Variants in MYO7B observed in about 807,000 individuals in gnomAD.
MYO7B encodes unconventional myosin-VIIb.
MYO7B carries 212 observed loss-of-function variants against 259.7 expected under a neutral mutation model. The ratio of observed to expected loss-of-function variants is 0.82; its 90% CI spans 0.73 to 0.91. The LOEUF is 0.91. Among genes scored for constraint, MYO7B ranks in the 40% least tolerant of loss-of-function variants. The pLI, the probability that MYO7B is intolerant of heterozygous loss-of-function variation, is 0.00. For missense variants in MYO7B, 2,732 were observed against 2,813.5 expected, an observed-to-expected ratio of 0.97 and a Z score of 0.66; for synonymous variants, 1,197 against 1,166.4, an observed-to-expected ratio of 1.03 and a Z score of -0.54.
chr2:127,593,086 C>A, intron 17 of MYO7B, 140 bp downstream of exon 17: 2 of 1,104,036 alleles, frequency 1.8e-6, no homozygotes, highest in Non-Finnish European at 2.6e-6. Context: ...TCCTTCCTCC[C>A]TCTCTCCTCC....
intron 1 of MYO7B, among the ~76,000 whole-genome samples, chr2:127,553,908 T>C (rs928156440): frequency 9.9e-5 from 15 of 152,186 alleles, no homozygotes; most frequent in African/African-American, 3.6e-4. Flanking sequence ...CATAGATGGC[T>C]TTTATTGCAC....
chr2:127,579,653 T>A (rs1679023032), intron 9 of MYO7B, among the ~76,000 whole-genome samples: 1 of 152,188 alleles, frequency 6.6e-6, no homozygotes, highest in African/African-American at 2.4e-5. Flanking sequence ...TGGTGGGATC[T>A]CGACTCACTG....
In MYO7B at chr2:127,609,829, C is replaced by T; in HGVS notation, c.3025-20C>T. ...AGTCACTGATGGGTTCCCACTGGGC[C>T]TTCTGTCTTGTTTCCCCAGGCCGCC... On this transcript the variant is annotated intron_variant, in intron 23 of 47. Transcript: ENST00000409816. This position sits in a 1 kb window ranked among gnomAD's most constrained non-coding sequence, Gnocchi z 6.9. The T allele has an allele frequency of 1.2e-6, 2 of 1,613,448 alleles. No homozygotes were observed. The highest frequency in any genetic ancestry group is 1.7e-6 in the Non-Finnish European group (2 of 1,179,550).
chr2:127,580,723 A>G, intron 9 of MYO7B, 23 bp from the exon 10 acceptor site: 1 of 1,604,726 alleles, frequency 6.2e-7, no homozygotes. Context: ...TTTCCAACTC[A>G]GCATTCCTGC....
chr2:127,565,409 C>T, intron 4 of MYO7B, 24 bp downstream of exon 4: 1 of 1,611,570 alleles, frequency 6.2e-7, no homozygotes, highest in African/African-American at 1.3e-5. Flanking sequence ...GCCCTGTGTC[C>T]ACAGGGGAGC....
chr2:127,618,333 C>T (rs1015971542), intron 26 of MYO7B, among the ~76,000 whole-genome samples: 1 of 152,182 alleles, frequency 6.6e-6, no homozygotes, highest in African/African-American at 2.4e-5. Flanking sequence ...AAAAAGGGCT[C>T]CCTACTCCTA....
At chr2:127,567,500 A>T (rs898950747) in intron 5 of MYO7B, among the ~76,000 whole-genome samples, 1 of 152,088 alleles carries the variant, frequency 6.6e-6, no homozygotes, top group African/African-American at 2.4e-5. Flanking sequence ...GAGAACTTGG[A>T]GGGGAGGGTG....
chr2:127,605,076 ACAT>A (rs1367212445), intron 19 of MYO7B, among the ~76,000 whole-genome samples: 4 of 152,264 alleles, frequency 2.6e-5, no homozygotes, highest in Non-Finnish European at 4.4e-5. Context: ...GAGCAAAGTA[ACAT>A]CATAATAAAC....
In MYO7B at chr2:127,582,146, C is replaced by G. The variant is rs539745133; in HGVS notation, c.1200+136C>G. ...CTCTGCCAGTCACCTGCCTGGTGAC[C>G]ATGGACTCCTCAGCCTCTTGGGCCC... On this transcript the variant is annotated intron_variant, in intron 11 of 47. Transcript: ENST00000409816. 1.2e-5 allele frequency: 17 copies of G among 1,473,714 alleles called. No homozygotes were observed. In the East Asian group the frequency reaches 3.8e-4, roughly 33 times the overall value. 91.3% of individuals were successfully genotyped at this position (1,473,714 alleles called of 1,614,324 possible). A position where few individuals can be genotyped will look rare whatever the true frequency, so the allele number is the denominator to read the frequency against.
chr2:127,634,383 C>T, intron 41 of MYO7B, 94 bp downstream of exon 41: 1 of 1,052,666 alleles, frequency 9.5e-7, no homozygotes, highest in South Asian at 1.6e-5. Context: ...ACCAGGGGCA[C>T]CCATGCTGGA....
At chr2:127,557,819 C>T (rs1273206139) in intron 1 of MYO7B, among the ~76,000 whole-genome samples, 1 of 152,160 alleles carries the variant, frequency 6.6e-6, no homozygotes, top group Non-Finnish European at 1.5e-5. Context: ...GAATCCTCAT[C>T]TCTCACCTTA....
chr2:127,600,993 GT>G (rs1345674824), intron 19 of MYO7B, among the ~76,000 whole-genome samples: 4 of 152,122 alleles, frequency 2.6e-5, no homozygotes, highest in Non-Finnish European at 5.9e-5. Flanking sequence ...TTTCACAAAT[GT>G]TCACATGTTA....
chr2:127,583,792 A>C (rs1023002731), intron 12 of MYO7B, among the ~76,000 whole-genome samples: 4 of 152,176 alleles, frequency 2.6e-5, no homozygotes, highest in Admixed American at 6.5e-5. Flanking sequence ...TCAGACCACA[A>C]GAATTGTTTC....
At chr2:127,542,485 T>G (rs1386326514) in intron 1 of MYO7B, among the ~76,000 whole-genome samples, 2 of 152,182 alleles carry the variant, frequency 1.3e-5, no homozygotes, top group African/African-American at 4.8e-5. Context: ...CAGATGGTCA[T>G]CACTGTCTGG....
At chr2:127,632,709 C>T (rs1681588069) in intron 39 of MYO7B, among the ~76,000 whole-genome samples, 1 of 152,254 alleles carries the variant, frequency 6.6e-6, no homozygotes, top group Non-Finnish European at 1.5e-5. Flanking sequence ...GCCCTCAAGG[C>T]TGAGGTCAGA....
At chr2:127,633,441 T>A in intron 40 of MYO7B, 78 bp downstream of exon 40, 1 of 1,408,526 alleles carries the variant, frequency 7.1e-7, no homozygotes, top group Non-Finnish European at 9.9e-7. Flanking sequence ...TGGCCCAGCC[T>A]GCTCCTTGGT....
At position 127,634,535 on chromosome 2, in the gene MYO7B, G is replaced by A. The variant is rs1024933040; in HGVS notation, c.5626-61G>A. 2.1e-6 allele frequency: 3 copies of A among 1,461,274 alleles called. No homozygotes were observed. The Admixed American group carries it at 5.7e-5, about 28-fold the overall frequency. The allele number at this position is 1,461,274 out of a possible 1,614,324, so 90.5% of individuals were successfully genotyped here. On this transcript the variant is annotated intron_variant, in intron 41 of 47. Transcript: ENST00000409816. The stretch of plus-strand genomic sequence containing the variant: ...GCGGCCACTGGACCAGAACCCAGCA[G>A]GTTCTCAGGAGGACAGTCCCCGGAA...
At chr2:127,634,114 C>CA (rs1389540962) in intron 40 of MYO7B, 62 bp from the exon 41 acceptor site, 1 of 1,331,978 alleles carries the variant, frequency 7.5e-7, no homozygotes, top group African/African-American at 1.5e-5. Context: ...TAGGAAGGCT[C>CA]ATCCTGGGCT....
In MYO7B at chr2:127,584,368, C is replaced by T. The variant is rs754535999; in HGVS notation, c.1554+36C>T. 8 of 1,602,528 alleles carry T rather than the reference C, an allele frequency of 5.0e-6. No homozygotes were observed. Among genetic ancestry groups the T allele is most frequent in the Non-Finnish European group, 6.0e-6 (7 of 1,170,216 alleles). On this transcript the variant is annotated intron_variant, in intron 13 of 47. Transcript: ENST00000409816. The surrounding 1 kb of genome is among the most constrained non-coding windows in gnomAD (Gnocchi z 5.8). Reference sequence around the variant, plus strand: ...GGGCCTGCCGACCTTCTGGTGGAGGCCCTGCTATGGGTCTCCTCTTGGAGG... The same window carrying T: ...GGGCCTGCCGACCTTCTGGTGGAGGTCCTGCTATGGGTCTCCTCTTGGAGG...
Sources: gnomAD v4.1 joint callset for allele counts (sites outside exome capture counted in the v4.1 genomes callset) on GRCh38, gnomAD v4.1.1 for gene constraint, Gnocchi (gnomAD v3.1) non-coding constraint, MANE v1.5 for transcripts, NCBI Gene and HGNC (gene_info 2026-07-23, HGNC 2026-07-21) for gene names.